PRR14L: variants seen among roughly 807,000 people sequenced by gnomAD.
The protein encoded by PRR14L is protein PRR14L.
A neutral mutation model predicts 155.0 loss-of-function variants in PRR14L; 80 were observed. The ratio of observed to expected loss-of-function variants is 0.52; its 90% confidence interval spans 0.43 to 0.62. The LOEUF (loss-of-function observed/expected upper bound fraction) is 0.62. Ranked by LOEUF, PRR14L falls within the 20% of genes least tolerant of loss-of-function variation. The pLI is 0.00. For missense variants in PRR14L, 2,469 were observed against 2,548.0 expected (o/e 0.97, Z 0.67); for synonymous variants, 883 against 916.0 (o/e 0.96, Z 0.65).
chr22:31,704,658 G>C lies in PRR14L; in HGVS notation c.5825C>G (p.Thr1942Arg). 6.2e-7 allele frequency: 1 copy of C among 1,613,480 alleles called. No homozygotes were observed. The highest frequency in any genetic ancestry group is 8.5e-7 in the Non-Finnish European group (1 of 1,179,604). The change falls in exon 5 of 9, where the codon ACG becomes AGG. Residue 1942 changes from threonine to arginine, a missense_variant. This residue lies in a region of PRR14L where 2,363 missense variants were observed against 2,371.6 expected (regional missense o/e 1.00). Coordinates refer to ENST00000327423, the MANE Select transcript of PRR14L (RefSeq NM_173566.3). ...EATYNTSGSQTRLEPPFPALV... is the reference protein window; with the variant it reads ...EATYNTSGSQRRLEPPFPALV... ...ACGCTGAGTCTCATGTGCTTACCTC[G>C]TCTGACTGCCGCTGGTGTTATATGT...
intron 7 of PRR14L, among the ~76,000 whole-genome samples, chr22:31,698,496 C>T (rs1485188635): frequency 6.8e-6 from 1 of 146,810 alleles, no homozygotes; most frequent in East Asian, 2.0e-4. Flanking sequence ...CATCTCAAAA[C>T]AATGAGTTTT....
chr22:31,747,452 A>T (rs1387726187), intron 1 of PRR14L, among the ~76,000 whole-genome samples: 1 of 150,124 alleles, frequency 6.7e-6, no homozygotes, highest in Non-Finnish European at 1.5e-5. Flanking sequence ...TTCATCAGGA[A>T]GCCAGGGTCC....
At chr22:31,711,259 C>A (rs192996818) in intron 4 of PRR14L, among the ~76,000 whole-genome samples, 1 of 151,964 alleles carries the variant, frequency 6.6e-6, no homozygotes, top group South Asian at 2.1e-4. Context: ...GATCACCGGA[C>A]GCCAGGAGTT....
At chr22:31,747,527 T>C (rs1428328414) in intron 1 of PRR14L, among the ~76,000 whole-genome samples, 2 of 149,736 alleles carry the variant, frequency 1.3e-5, no homozygotes, top group Non-Finnish European at 3.0e-5. Context: ...TAAGTGAACT[T>C]TCCCGGGCTT....
rs73402202 is a variant in PRR14L, at chr22:31,725,686, T to A, written c.475-76A>T. 2.6e-3 allele frequency: 2,403 copies of A among 923,156 alleles called. 29 individuals are homozygous for A. In the African/African-American group the frequency reaches 0.03, roughly 12 times the overall value. 57.2% of individuals were successfully genotyped at this position (923,156 alleles called of 1,614,324 possible). A position where few individuals can be genotyped will look rare whatever the true frequency, so the allele number is the denominator to read the frequency against. ...AATGAATATTATTATTATTATTATT[T>A]TTTGAGACAGAGTCTTGCTGTTCCC... On this transcript the variant is annotated intron_variant, in intron 2 of 8. Transcript: ENST00000327423.
intron 2 of PRR14L, among the ~76,000 whole-genome samples, chr22:31,733,502 A>G (rs2074762129): frequency 6.6e-6 from 1 of 151,580 alleles, no homozygotes; most frequent in Admixed American, 6.6e-5. Flanking sequence ...ACAGGCTTTC[A>G]CCATGTTGCC....
At chr22:31,735,648 A>G (rs1473687373) in intron 2 of PRR14L, among the ~76,000 whole-genome samples, 1 of 151,710 alleles carries the variant, frequency 6.6e-6, no homozygotes. Flanking sequence ...ATTGGAAAAA[A>G]AAAAAAAAAG....
intron 7 of PRR14L, 82 bp from the exon 8 acceptor site, chr22:31,688,309 C>A: frequency 7.1e-7 from 1 of 1,417,456 alleles, no homozygotes; most frequent in Non-Finnish European, 9.2e-7. Context: ...GTTGCCCAGG[C>A]TGAAGGGCAG....
At chr22:31,711,194 C>T (rs961496178) in intron 4 of PRR14L, among the ~76,000 whole-genome samples, 1 of 152,178 alleles carries the variant, frequency 6.6e-6, no homozygotes, top group African/African-American at 2.4e-5. Flanking sequence ...GAAGATTCAG[C>T]TGGGTGTGGT....
rs1339193632 is a variant in PRR14L, at chr22:31,715,466, T to G, written c.2373A>C (p.Val791=). Residue 791 remains valine, a synonymous_variant, in exon 4 of 9, where the codon GTA becomes GTC. Coordinates refer to ENST00000327423, the MANE Select transcript of PRR14L (RefSeq NM_173566.3). ...TGTTTTCCTGGGATACATTTTTTCT[T>G]ACACGATGACAGCTAGAGATATCCT... is the stretch of plus-strand genomic sequence containing the variant. ...QSQDISSCHR[V]RKNVSQENMC... The G allele has an allele frequency of 6.4e-7, 1 of 1,552,382 alleles. No homozygotes were observed. The highest frequency in any genetic ancestry group is 1.2e-5 in the South Asian group (1 of 84,060).
chr22:31,724,148 A>C (rs1196402149), intron 3 of PRR14L, among the ~76,000 whole-genome samples: 1 of 152,218 alleles, frequency 6.6e-6, no homozygotes, highest in Admixed American at 6.5e-5. Context: ...CATCAACCCC[A>C]GAGGGGACCA....
chr22:31,703,058 C>T (rs1209677475), intron 6 of PRR14L, among the ~76,000 whole-genome samples: 8 of 151,858 alleles, frequency 5.3e-5, no homozygotes, highest in Non-Finnish European at 7.4e-5. Context: ...TCAAGCGATC[C>T]GCCCGCCTCA....
Position 31,713,667 on chromosome 22 carries a change from C to T in PRR14L, c.4172G>A (p.Ser1391Asn), listed in dbSNP as rs1250610770. ...GILNHAEKQQ[S>N]PEVLDYMLQK... The stretch of plus-strand genomic sequence containing the variant: ...CAACATGTAGTCCAAAACCTCAGGG[C>T]TCTGCTGTTTTTCAGCATGATTAAG... The change falls in exon 4 of 9, where the codon AGC (serine) becomes AAC (asparagine). Residue 1391 changes from serine (S) to asparagine (N), a missense_variant. This residue lies in a region of PRR14L where 2,363 missense variants were observed against 2,371.6 expected (regional missense o/e 1.00). Coordinates refer to ENST00000327423, the MANE Select transcript of PRR14L (RefSeq NM_173566.3). 1.5e-5 allele frequency: 24 copies of T among 1,552,026 alleles called. No individual in the cohort carries two copies. The highest frequency in any genetic ancestry group is 2.0e-5 in the Non-Finnish European group (23 of 1,147,068).
intron 4 of PRR14L, among the ~76,000 whole-genome samples, chr22:31,706,385 AG>A (rs1231270365): frequency 2.0e-5 from 3 of 148,246 alleles, no homozygotes; most frequent in Non-Finnish European, 4.5e-5. Flanking sequence ...AAAAAAAAGG[AG>A]AAAACTATTA....
At position 31,683,656 on chromosome 22, in the gene PRR14L, G is replaced by A. The variant is rs1227592275; in HGVS notation, c.*1871C>T. 1 of 152,226 alleles carries A rather than the reference G, an allele frequency of 6.6e-6. No individual in the cohort carries two copies. The highest frequency in any genetic ancestry group is 1.5e-5 in the Non-Finnish European group (1 of 68,076). 9.4% of individuals were successfully genotyped at this position (152,226 alleles called of 1,614,324 possible). On this transcript the variant is annotated 3_prime_UTR_variant, in exon 9 of 9. Transcript: ENST00000327423. ...TGGAAGCCTCCGTGGATGACCAAGT[G>A]TGTATTTCACTCGTCTCAATGCTAT...
chr22:31,722,462 G>A (rs920474985), intron 3 of PRR14L, among the ~76,000 whole-genome samples: 3 of 150,248 alleles, frequency 2.0e-5, no homozygotes, highest in Non-Finnish European at 4.4e-5. Flanking sequence ...GGGTGGGGCA[G>A]AGTGAAGATT....
intron 7 of PRR14L, among the ~76,000 whole-genome samples, chr22:31,693,815 C>G (rs1176869384): frequency 1.3e-5 from 2 of 152,148 alleles, no homozygotes; most frequent in African/African-American, 4.8e-5. Flanking sequence ...CACTATTTCG[C>G]TCTATTTAAC....
rs1262976796 is a variant in PRR14L, at chr22:31,713,495, G to A, written c.4344C>T (p.Thr1448=). ...TGCTGTCCTTGGCCAGCTTTGCTAG[G>A]GTGATTTCATTGATCATGGTGGACT... ...KDESTMINEI[T]LAKLAKDSIV... Residue 1448 remains threonine (T), a synonymous_variant, in exon 4 of 9, where the codon ACC becomes ACT. Coordinates refer to ENST00000327423, the MANE Select transcript of PRR14L (RefSeq NM_173566.3). The A allele has an allele frequency of 6.4e-7, 1 of 1,551,930 alleles. No individual in the cohort carries two copies. Among genetic ancestry groups the A allele is most frequent in the Non-Finnish European group, 8.7e-7 (1 of 1,147,044 alleles).
intron 7 of PRR14L, among the ~76,000 whole-genome samples, chr22:31,699,600 GA>G (rs1326369166): frequency 6.6e-6 from 1 of 152,202 alleles, no homozygotes; most frequent in Non-Finnish European, 1.5e-5. Flanking sequence ...TTGGAGAAGA[GA>G]TAGTCAACCT....
Sources: gnomAD v4.1 joint callset for allele counts (sites outside exome capture counted in the v4.1 genomes callset) on GRCh38, gnomAD v4.1.1 for gene constraint, gnomAD v4.1.1 regional missense constraint, MANE v1.5 for transcripts, NCBI Gene and HGNC (gene_info 2026-07-23, HGNC 2026-07-21) for gene names.